Variants in FAM171A1 observed in about 807,000 individuals in gnomAD.
FAM171A1 encodes family with sequence similarity 171 member A1.
In FAM171A1, 23 loss-of-function variants were observed where a neutral mutation model predicts 74.9. The observed-to-expected ratio is 0.31, with a 90% CI of 0.22 to 0.44. FAM171A1 has a LOEUF of 0.44. Among genes scored for constraint, FAM171A1 ranks in the 20% least tolerant of loss-of-function variants. The pLI, the probability that FAM171A1 is intolerant of heterozygous loss-of-function variation, is 1.00. For synonymous variants in FAM171A1, 527 were observed against 505.7 expected, an observed-to-expected ratio of 1.04 and a Z score of -0.57; for missense variants, 1,162 against 1,159.2, an observed-to-expected ratio of 1.00 and a Z score of -0.03.
upstream of FAM171A1, among the ~76,000 whole-genome samples, chr10:15,374,355 C>T (rs935566959): frequency 2.6e-5 from 4 of 152,206 alleles, no homozygotes; most frequent in Non-Finnish European, 5.9e-5. Context: ...TCTCATCACC[C>T]GGGTATTTTC....
In FAM171A1 at chr10:15,214,605, C is replaced by T. The variant is rs375921669; in HGVS notation, c.987-4G>A. The T allele has an allele frequency of 9.0e-5, 141 of 1,568,254 alleles. No homozygotes were observed. Among genetic ancestry groups the T allele is most frequent in the African/African-American group, 2.5e-4 (18 of 73,056 alleles). Reference sequence around the variant, plus strand: ...ACGAGGTTTCAAGCACTTCCTCCTGCGCCCAAAGACACAATCCAAAGCCAA... The same window carrying T: ...ACGAGGTTTCAAGCACTTCCTCCTGTGCCCAAAGACACAATCCAAAGCCAA... On this transcript the variant is annotated splice_polypyrimidine_tract_variant and splice_region_variant and intron_variant, in intron 7 of 7. Coordinates refer to ENST00000378116, the MANE Select transcript of FAM171A1 (RefSeq NM_001010924.2).
chr10:15,288,071 C>G (rs546568386), intron 1 of FAM171A1, among the ~76,000 whole-genome samples: 1 of 152,312 alleles, frequency 6.6e-6, no homozygotes, highest in Admixed American at 6.5e-5. Context: ...CAATTCCTTC[C>G]AGGTTGCTGC....
chr10:15,290,120 TG>T (rs1270397228), intron 1 of FAM171A1, among the ~76,000 whole-genome samples: 2 of 151,794 alleles, frequency 1.3e-5, no homozygotes, highest in African/African-American at 4.8e-5. Flanking sequence ...CTCAGCTACT[TG>T]GGAGGCTGAG....
chr10:15,224,068 G>A (rs1834073964), intron 5 of FAM171A1, among the ~76,000 whole-genome samples: 1 of 152,200 alleles, frequency 6.6e-6, no homozygotes, highest in Non-Finnish European at 1.5e-5. Flanking sequence ...AAGTCCATTG[G>A]CTGAAGAAGA....
At chr10:15,361,894 G>C (rs1835999620) in intron 1 of FAM171A1, among the ~76,000 whole-genome samples, 1 of 151,976 alleles carries the variant, frequency 6.6e-6, no homozygotes, top group South Asian at 2.1e-4. Flanking sequence ...GAACTACCTG[G>C]GCCTTTTCTC....
At chr10:15,263,720 A>AATCT (rs199543212) in intron 3 of FAM171A1, among the ~76,000 whole-genome samples, 193 of 140,544 alleles carry the variant, frequency 1.4e-3, no homozygotes, top group African/African-American at 4.5e-3. Context: ...CTATCCTATC[A>AATCT]ATCTATCTAT....
At chr10:15,261,119 T>C (rs1223777402) in intron 3 of FAM171A1, among the ~76,000 whole-genome samples, 1 of 152,210 alleles carries the variant, frequency 6.6e-6, no homozygotes, top group East Asian at 1.9e-4. Flanking sequence ...CGAACTATCA[T>C]ATGAACAAAG....
At chr10:15,301,362 A>AT (rs71390027) in intron 1 of FAM171A1, among the ~76,000 whole-genome samples, 3,127 of 141,528 alleles carry the variant, frequency 0.022, 105 homozygotes, top group African/African-American at 0.07. Flanking sequence ...ATATATATAT[A>AT]TTTTTTTTTT....
intron 5 of FAM171A1, among the ~76,000 whole-genome samples, chr10:15,230,519 G>C (rs1026824238): frequency 2.6e-5 from 4 of 152,200 alleles, no homozygotes; most frequent in Non-Finnish European, 5.9e-5. Context: ...CCTTCTGTTT[G>C]AAGCATGAAA....
intron 1 of FAM171A1, among the ~76,000 whole-genome samples, chr10:15,315,382 A>G (rs1374804473): frequency 6.6e-6 from 1 of 152,174 alleles, no homozygotes; most frequent in Non-Finnish European, 1.5e-5. Context: ...GTGTGGTTTG[A>G]TATGTGTAGA....
chr10:15,284,188 G>A, intron 1 of FAM171A1, 83 bp from the exon 2 acceptor site: 1 of 1,276,094 alleles, frequency 7.8e-7, no homozygotes, highest in Admixed American at 1.9e-5. Flanking sequence ...GATGGGAAGT[G>A]GAAGGAGGGC....
chr10:15,319,947 C>T (rs1206907032), intron 1 of FAM171A1, among the ~76,000 whole-genome samples: 1 of 152,156 alleles, frequency 6.6e-6, no homozygotes, highest in Non-Finnish European at 1.5e-5. Flanking sequence ...ATTAGATTGA[C>T]TTTTTAAACT....
At chr10:15,267,876 C>T (rs879801284) in intron 3 of FAM171A1, among the ~76,000 whole-genome samples, 4 of 16,352 alleles carry the variant, frequency 2.4e-4, no homozygotes, top group Non-Finnish European at 8.1e-4. Context: ...GCTTTTACCA[C>T]AAACACCTCA....
At chr10:15,286,913 C>G (rs1287078832) in intron 1 of FAM171A1, among the ~76,000 whole-genome samples, 2 of 152,176 alleles carry the variant, frequency 1.3e-5, no homozygotes, top group Non-Finnish European at 2.9e-5. Flanking sequence ...TTAGCAAGAA[C>G]AAATAAATGC....
chr10:15,224,936 T>C (rs1321038342), intron 5 of FAM171A1, among the ~76,000 whole-genome samples: 1 of 152,180 alleles, frequency 6.6e-6, no homozygotes. Flanking sequence ...TCCAACCTCA[T>C]ATAGTTTTTC....
Position 15,350,053 on chromosome 10 carries a change from C to T in FAM171A1, c.97+20903G>A, listed in dbSNP as rs557644427. Among the ~76,000 whole-genome samples the T allele has an allele frequency of 3.3e-5, 5 of 152,102 alleles. 1 individual carries two copies. Among genetic ancestry groups the T allele is most frequent in the Admixed American group, 1.3e-4 (2 of 15,260 alleles). ...CTGTGAGAGGGAGATAGATCAGACACGGCACCCGGTTCACAGAATTAGAGT... is the reference window on the plus strand; with the variant it reads ...CTGTGAGAGGGAGATAGATCAGACATGGCACCCGGTTCACAGAATTAGAGT... On this transcript the variant is annotated intron_variant, in intron 1 of 7. Coordinates refer to ENST00000378116, the MANE Select transcript of FAM171A1 (RefSeq NM_001010924.2).
chr10:15,322,094 C>A (rs1169115911), intron 1 of FAM171A1, among the ~76,000 whole-genome samples: 1 of 152,168 alleles, frequency 6.6e-6, no homozygotes, highest in Admixed American at 6.5e-5. Context: ...ACCTCAGGCC[C>A]GATACAAGCA....
At chr10:15,334,575 C>G (rs1326812121) in intron 1 of FAM171A1, among the ~76,000 whole-genome samples, 2 of 152,166 alleles carry the variant, frequency 1.3e-5, no homozygotes, top group Non-Finnish European at 2.9e-5. Flanking sequence ...ATGGGTTTCC[C>G]AAACTGCCTT....
rs1159124105 is a variant in FAM171A1 at position 15,229,612 on chromosome 10, T to C, written c.755-8552A>G. Among the ~76,000 whole-genome samples the C allele has an allele frequency of 1.6e-4, 19 of 116,148 alleles. 1 individual carries two copies. The highest frequency in any genetic ancestry group is 2.8e-4 in the Non-Finnish European group (15 of 54,044). 76.2% of individuals were successfully genotyped at this position (116,148 alleles called of 152,430 possible). On this transcript the variant is annotated intron_variant, in intron 5 of 7. Transcript: ENST00000378116. ...ATCACCATCATCACCATCACCATCA[T>C]CACCATTGTCACCCCCATCACCATC...
Sources: allele counts gnomAD v4.1 joint callset (sites outside exome capture counted in the v4.1 genomes callset), GRCh38; gene constraint gnomAD v4.1.1; transcripts MANE v1.5; gene names NCBI Gene and HGNC (gene_info 2026-07-23, HGNC 2026-07-21).